Variants in SEMA7A observed in about 807,000 individuals in gnomAD.
SEMA7A encodes semaphorin-7A.
In SEMA7A, 21 loss-of-function variants were observed where a neutral mutation model predicts 67.5. That is an observed-to-expected ratio of 0.31 (90% CI 0.22 to 0.45). The LOEUF is 0.45. Ranked by LOEUF, SEMA7A falls within the 20% of genes least tolerant of loss-of-function variation. The pLI, the probability that SEMA7A is intolerant of heterozygous loss-of-function variation, is 1.00. For synonymous variants in SEMA7A, 364 were observed against 368.5 expected, an observed-to-expected ratio of 0.99 and a Z score of 0.14; for missense variants, 774 against 908.6, an observed-to-expected ratio of 0.85 and a Z score of 1.90.
Position 74,414,929 on chromosome 15 carries a change from C to G in SEMA7A, c.1004G>C (p.Cys335Ser). The change falls in exon 9 of 14, where the codon TGT becomes TCT. Residue 335 changes from cysteine to serine, a missense_variant. Physicochemically the swap from Cys to Ser is moderately radical, Grantham distance 112. Coordinates refer to ENST00000261918, the MANE Select transcript of SEMA7A (RefSeq NM_003612.5). The surrounding 1 kb of genome is among the most constrained non-coding windows in gnomAD (Gnocchi z 4.1). ...FSNPWNYSAV[C>S]VYSLGDIDKV... Reference sequence around the variant, plus strand: ...GTCAATGTCACCGAGGGAATACACACAGACGGCTGAGTAGTTCCTGCAGTG... The same window carrying G: ...GTCAATGTCACCGAGGGAATACACAGAGACGGCTGAGTAGTTCCTGCAGTG... The G allele has an allele frequency of 6.8e-6, 11 of 1,614,134 alleles. No individual in the cohort carries two copies. Among genetic ancestry groups the G allele is most frequent in the Non-Finnish European group, 9.3e-6 (11 of 1,179,998 alleles).
rs754422646 is a variant in SEMA7A, at chr15:74,415,854, G to A, written c.933C>T (p.Asp311=). ...TGGTGTCCCTCCACTGGCCGCTGGG[G>A]TCAGGGAGCAGGAAGACGTCTTGCA... is the stretch of plus-strand genomic sequence containing the variant. ...NRLQDVFLLP[D]PSGQWRDTRV... Residue 311 remains aspartate, a synonymous_variant, in exon 8 of 14, where the codon GAC becomes GAT. Transcript: ENST00000261918. The A allele has an allele frequency of 6.2e-7, 1 of 1,614,116 alleles. No individual in the cohort carries two copies. The highest frequency in any genetic ancestry group is 8.5e-7 in the Non-Finnish European group (1 of 1,179,964).
chr15:74,411,053 C>T lies in SEMA7A; in HGVS notation c.1640-68G>A. 1 of 1,544,730 alleles carries T rather than the reference C, an allele frequency of 6.5e-7. No homozygotes were observed. The highest frequency in any genetic ancestry group is 8.7e-7 in the Non-Finnish European group (1 of 1,147,524). Reference sequence around the variant, plus strand: ...GCTCCCAGGGGAGGATGTGTCCTCCCCACGGACTGGGATCCCAGGACAAGG... The same window carrying T: ...GCTCCCAGGGGAGGATGTGTCCTCCTCACGGACTGGGATCCCAGGACAAGG... On this transcript the variant is annotated intron_variant, in intron 13 of 13. Coordinates refer to ENST00000261918, the MANE Select transcript of SEMA7A (RefSeq NM_003612.5). The surrounding 1 kb of genome is among the most constrained non-coding windows in gnomAD (Gnocchi z 4.4).
chr15:74,428,776 G>A (rs1430237922), intron 1 of SEMA7A, among the ~76,000 whole-genome samples: 1 of 152,212 alleles, frequency 6.6e-6, no homozygotes, highest in Admixed American at 6.5e-5. Context: ...GGGAGGCTGG[G>A]CACAGATCTG....
chr15:74,410,634 A>G lies in SEMA7A; in HGVS notation c.1991T>C (p.Leu664Pro), dbSNP rs752952958. The G allele has an allele frequency of 3.1e-6, 5 of 1,587,988 alleles. No individual in the cohort carries two copies. In the South Asian group the frequency reaches 4.5e-5, roughly 14 times the overall value. ...CAGCCTCGGGAGGCCCTAGTGGACC[A>G]GCAAGCCAAGAGTGAGTGTGGGCAG... Reference protein sequence around the residue: ...GVLPTLTLGLLVH With the variant: ...GVLPTLTLGLPVH The change falls in exon 14 of 14, where the codon CTG becomes CCG. Residue 664 changes from leucine (L) to proline (P), a missense_variant. By Grantham distance (98) the Leu-to-Pro change is moderately conservative. Coordinates refer to ENST00000261918, the MANE Select transcript of SEMA7A (RefSeq NM_003612.5). This position sits in a 1 kb window ranked among gnomAD's most constrained non-coding sequence, Gnocchi z 7.5.
At chr15:74,418,702 G>T in intron 2 of SEMA7A, 99 bp downstream of exon 2, 1 of 1,392,396 alleles carries the variant, frequency 7.2e-7, no homozygotes, top group Non-Finnish European at 9.8e-7. Flanking sequence ...GGCAGTTTAG[G>T]AAGAGAAGCC....
intron 1 of SEMA7A, among the ~76,000 whole-genome samples, chr15:74,419,531 A>G (rs372299054): frequency 3.9e-5 from 6 of 152,154 alleles, no homozygotes; most frequent in East Asian, 1.9e-4. Flanking sequence ...CCCCTTAGTG[A>G]GCACTAGACT....
rs925945796 is a variant in SEMA7A at position 74,410,213 on chromosome 15, T to G, written c.*411A>C. 9 of 174,884 alleles carry G rather than the reference T, an allele frequency of 5.1e-5. No homozygotes were observed. The highest frequency in any genetic ancestry group is 9.6e-5 in the Non-Finnish European group (8 of 83,624). 10.8% of individuals were successfully genotyped at this position (174,884 alleles called of 1,614,324 possible). On this transcript the variant is annotated 3_prime_UTR_variant, in exon 14 of 14. Transcript: ENST00000261918. The surrounding 1 kb of genome is among the most constrained non-coding windows in gnomAD (Gnocchi z 7.5). The stretch of plus-strand genomic sequence containing the variant: ...AGGGAGGGGAAGGAGGCAATGTGGG[T>G]ACCAAGAGTCCAGAAGGACTCAGGC...
At position 74,411,292 on chromosome 15, in the gene SEMA7A, T is replaced by C. The variant is rs754895341; in HGVS notation, c.1639+3A>G. ...CAGCCGCCAGCAGGGCCAGATCAGGTACCTGGTTTGGGGTTGGGACACTCC... is the reference window on the plus strand; with the variant it reads ...CAGCCGCCAGCAGGGCCAGATCAGGCACCTGGTTTGGGGTTGGGACACTCC... On this transcript the variant is annotated splice_donor_region_variant and intron_variant, in intron 13 of 13. Coordinates refer to ENST00000261918, the MANE Select transcript of SEMA7A (RefSeq NM_003612.5). This position sits in a 1 kb window ranked among gnomAD's most constrained non-coding sequence, Gnocchi z 4.4. 6.2e-7 allele frequency: 1 copy of C among 1,613,840 alleles called. No homozygotes were observed. The highest frequency in any genetic ancestry group is 8.5e-7 in the Non-Finnish European group (1 of 1,179,816).
intron 1 of SEMA7A, among the ~76,000 whole-genome samples, chr15:74,430,396 T>G (rs942504620): frequency 1.3e-5 from 2 of 152,166 alleles, no homozygotes; most frequent in Non-Finnish European, 2.9e-5. Flanking sequence ...CAGAAAAGGA[T>G]GAGCCCCCTC....
intron 1 of SEMA7A, among the ~76,000 whole-genome samples, chr15:74,433,289 GC>G (rs1164084087): frequency 2.0e-5 from 3 of 151,580 alleles, no homozygotes; most frequent in Non-Finnish European, 4.4e-5. Context: ...AGGGGTCCGC[GC>G]CCCCCTTGCC....
At chr15:74,424,722 A>T (rs2061029354) in intron 1 of SEMA7A, among the ~76,000 whole-genome samples, 1 of 152,216 alleles carries the variant, frequency 6.6e-6, no homozygotes, top group Non-Finnish European at 1.5e-5. Flanking sequence ...GACTCAGGGA[A>T]GGAAGGCTGG....
At chr15:74,418,335 T>C (rs1482358232) in intron 2 of SEMA7A, 26 bp from the exon 3 acceptor site, 2 of 1,611,684 alleles carry the variant, frequency 1.2e-6, no homozygotes, top group South Asian at 2.2e-5. Flanking sequence ...AAGCATTAGT[T>C]CAATCTGCCA....
At position 74,433,743 on chromosome 15, in the gene SEMA7A, T is replaced by G; in HGVS notation, c.176A>C (p.Lys59Thr). The G allele has an allele frequency of 6.9e-7, 1 of 1,439,786 alleles. No homozygotes were observed. The highest frequency in any genetic ancestry group is 9.1e-7 in the Non-Finnish European group (1 of 1,102,028). 89.2% of individuals were successfully genotyped at this position (1,439,786 alleles called of 1,614,324 possible). Residue 59 changes from lysine (K) to threonine (T), a missense_variant and splice_region_variant, in exon 1 of 14, where the codon AAA (lysine) becomes ACA (threonine). Physicochemically the swap from Lys to Thr is moderately conservative, Grantham distance 78 (BLOSUM62 -1). This residue lies in a region of SEMA7A where 347 missense variants were observed against 353.2 expected (regional missense o/e 0.98). Coordinates refer to ENST00000261918, the MANE Select transcript of SEMA7A (RefSeq NM_003612.5). ...RSGPRIFAVW[K>T]GHVGQDRVDF... ...ACCGGCCGCGCGGCGCCGCCTACCT[T>G]TCCAGACGGCGAAGATGCGGGGTCC...
At chr15:74,426,052 C>A (rs2061041270) in intron 1 of SEMA7A, among the ~76,000 whole-genome samples, 1 of 152,200 alleles carries the variant, frequency 6.6e-6, no homozygotes, top group South Asian at 2.1e-4. Context: ...GTGGGCAGAT[C>A]ATTTGAGGTC....
chr15:74,412,594 A>G (rs909727131), intron 10 of SEMA7A, among the ~76,000 whole-genome samples: 1 of 152,142 alleles, frequency 6.6e-6, no homozygotes, highest in African/African-American at 2.4e-5. Flanking sequence ...AGATTCCCAG[A>G]AAAGTTGCAA....
Position 74,414,176 on chromosome 15 carries a change from G to T in SEMA7A, c.1294+371C>A, listed in dbSNP as rs555622435. On this transcript the variant is annotated intron_variant, in intron 10 of 13. Transcript: ENST00000261918. This position sits in a 1 kb window ranked among gnomAD's most constrained non-coding sequence, Gnocchi z 4.1. ...GGGCCTGACTCCCTCATTCTGCCTG[G>T]CAGAGGCCAGTATCCCTGTGGTTCA... Among the ~76,000 whole-genome samples the T allele has an allele frequency of 5.0e-4, 76 of 152,258 alleles. No homozygotes were observed. The highest frequency in any genetic ancestry group is 6.2e-4 in the South Asian group (3 of 4,822).
rs28362920 is a variant in SEMA7A at position 74,416,120 on chromosome 15, C to T, written c.802-135G>A. 2.3e-3 allele frequency: 2,029 copies of T among 878,394 alleles called. 18 individuals are homozygous for T. In the African/African-American group the frequency reaches 0.029, roughly 12 times the overall value. The allele number at this position is 878,394 out of a possible 1,614,324, so 54.4% of individuals were successfully genotyped here. On this transcript the variant is annotated intron_variant, in intron 7 of 13. Coordinates refer to ENST00000261918, the MANE Select transcript of SEMA7A (RefSeq NM_003612.5). ...CAGGCTGTGAGGGGCCAGGACCTGC[C>T]GGGGGTGCCCCAGGACTCAGGGCAG... is the stretch of plus-strand genomic sequence containing the variant.
At position 74,433,870 on chromosome 15, in the gene SEMA7A, G is replaced by A; in HGVS notation, c.49C>T (p.Arg17Cys). The A allele has an allele frequency of 7.8e-7, 1 of 1,279,920 alleles. No individual in the cohort carries two copies. Among genetic ancestry groups the A allele is most frequent in the Non-Finnish European group, 9.8e-7 (1 of 1,019,394 alleles). The allele number at this position is 1,279,920 out of a possible 1,614,324, so 79.3% of individuals were successfully genotyped here. A position where few individuals can be genotyped will look rare whatever the true frequency, so the allele number is the denominator to read the frequency against. ...AACCGAGCCGGCGGGCCAGGGACGC[G>A]GGCGCGCGGTGCGCTGGGGGCGGCA... The part of the protein sequence containing the change: ...GRAAPSAPRA[R>C]VPGPPARLGL... The change falls in exon 1 of 14, where the codon CGC (arginine) becomes TGC (cysteine). Residue 17 changes from arginine (R) to cysteine (C), a missense_variant. Coordinates refer to ENST00000261918, the MANE Select transcript of SEMA7A (RefSeq NM_003612.5).
Position 74,418,270 on chromosome 15 carries a change from G to A in SEMA7A, c.370C>T (p.Arg124Trp), listed in dbSNP as rs372161007. ...GSTKGSCLDKRDCENYITLLE... is the reference protein window; with the variant it reads ...GSTKGSCLDKWDCENYITLLE... ...TCCATACCCCCTCCCCCACTCACCC[G>A]CTTATCCAGACAGGACCCCTTTGTG... Residue 124 changes from arginine to tryptophan, a missense_variant and splice_region_variant, in exon 3 of 14, where the codon CGG (arginine) becomes TGG (tryptophan). Arg to Trp is a moderately radical substitution (Grantham distance 101). Transcript: ENST00000261918. 114 of 1,612,268 alleles carry A rather than the reference G, an allele frequency of 7.1e-5. No individual in the cohort carries two copies. The highest frequency in any genetic ancestry group is 1.6e-4 in the Middle Eastern group (1 of 6,070).
Sources: allele counts gnomAD v4.1 joint callset (sites outside exome capture counted in the v4.1 genomes callset), GRCh38; gene constraint gnomAD v4.1.1; regional missense constraint gnomAD v4.1.1; non-coding constraint Gnocchi (gnomAD v3.1); transcripts MANE v1.5; gene names NCBI Gene and HGNC (gene_info 2026-07-23, HGNC 2026-07-21).